The following ODR4 variants were observed in gnomAD, a reference collection of about 807,000 sequenced individuals.
ODR4 encodes odr-4 GPCR localization factor homolog.
ODR4 carries 47 observed loss-of-function variants against 60.2 expected under a neutral mutation model. The observed-to-expected ratio is 0.78, with a 90% CI of 0.62 to 1.00. The LOEUF is 1.00. Ranked by LOEUF, ODR4 falls within the 50% of genes least tolerant of loss-of-function variation. The pLI, the probability that ODR4 is intolerant of heterozygous loss-of-function variation, is 0.00. For synonymous variants in ODR4, 178 were observed against 175.5 expected (o/e 1.01, Z -0.11); for missense variants, 488 against 530.8 (o/e 0.92, Z 0.79).
rs1439653202 is a variant in ODR4 at position 186,421,337 on chromosome 1, CAA to C, written c.*2263_*2264del. ...TGAAGTGTTTATAAGAAATTGTAAA[CAA>C]ATGTAAAACTAAATAAACATTGTTA... On this transcript the variant is annotated 3_prime_UTR_variant, in exon 14 of 14. Coordinates refer to ENST00000287859, the MANE Select transcript of ODR4 (RefSeq NM_017847.6). The C allele has an allele frequency of 6.6e-6, 1 of 151,970 alleles. No homozygotes were observed. The highest frequency in any genetic ancestry group is 1.5e-5 in the Non-Finnish European group (1 of 67,982). The allele number at this position is 151,970 out of a possible 1,614,324, so 9.4% of individuals were successfully genotyped here.
In ODR4 at chr1:186,401,013, T is replaced by C. The variant is rs75980009; in HGVS notation, c.1000+1969T>C. The C allele has an allele frequency of 5.6e-3, 8,846 of 1,572,168 alleles. 32 individuals are homozygous for C. The highest frequency in any genetic ancestry group is 7.0e-3 in the Non-Finnish European group (8,034 of 1,152,474). On this transcript the variant is annotated intron_variant, in intron 11 of 13. Coordinates refer to ENST00000287859, the MANE Select transcript of ODR4 (RefSeq NM_017847.6). ...AGGTTCTGAGCAACAGTGTATATTA[T>C]AGCTGCATTGCAGGTTTCAGGATTT... is the stretch of plus-strand genomic sequence containing the variant.
At position 186,390,839 on chromosome 1, in the gene ODR4, G is replaced by T. The variant is rs201865055; in HGVS notation, c.603G>T (p.Glu201Asp). ...CTACTTCTGTCAGCTATACTCTGGA[G>T]AAAAATACAAAGGTACCAGGGTAAA... ...LSATSVSYTL[E>D]KNTKNGLTRW... The change falls in exon 7 of 14, where the codon GAG becomes GAT. Residue 201 changes from glutamate to aspartate, a missense_variant. Coordinates refer to ENST00000287859, the MANE Select transcript of ODR4 (RefSeq NM_017847.6). The T allele has an allele frequency of 2.2e-5, 36 of 1,612,008 alleles. No individual in the cohort carries two copies. Among genetic ancestry groups the T allele is most frequent in the South Asian group, 8.8e-5 (8 of 90,828 alleles).
rs1383169046 is a variant in ODR4, at chr1:186,390,825, A to G, written c.589A>G (p.Ser197Gly). The G allele has an allele frequency of 6.2e-7, 1 of 1,613,056 alleles. No individual in the cohort carries two copies. The highest frequency in any genetic ancestry group is 1.7e-5 in the Admixed American group (1 of 59,926). ...IHIPLSATSVSYTLEKNTKNG... is the reference protein window; with the variant it reads ...IHIPLSATSVGYTLEKNTKNG... Reference sequence around the variant, plus strand: ...CATCCCACTTTCTGCTACTTCTGTCAGCTATACTCTGGAGAAAAATACAAA... The same window carrying G: ...CATCCCACTTTCTGCTACTTCTGTCGGCTATACTCTGGAGAAAAATACAAA... The change falls in exon 7 of 14, where the codon AGC (serine) becomes GGC (glycine). Residue 197 changes from serine (S) to glycine (G), a missense_variant. By Grantham distance (56) the Ser-to-Gly change is moderately conservative. Transcript: ENST00000287859.
chr1:186,378,978 C>G (rs1188338524), intron 1 of ODR4, among the ~76,000 whole-genome samples: 2 of 152,276 alleles, frequency 1.3e-5, no homozygotes, highest in South Asian at 2.1e-4. Context: ...AGCATAGTTT[C>G]TAAGCAAATA....
chr1:186,391,587 T>A, intron 7 of ODR4, 109 bp from the exon 8 acceptor site: 1 of 733,472 alleles, frequency 1.4e-6, no homozygotes, highest in South Asian at 1.7e-5. Context: ...AGTAATGAGA[T>A]TTAGGGATTT....
intron 12 of ODR4, among the ~76,000 whole-genome samples, chr1:186,415,614 A>G (rs748331721): frequency 6.6e-5 from 10 of 152,188 alleles, no homozygotes; most frequent in Non-Finnish European, 2.9e-5. Context: ...TCCCAGCTTC[A>G]GCCTGGGTAG....
rs578167915 is a variant in ODR4, at chr1:186,404,381, A to G, written c.1001-1702A>G. ...TCTTTTTAATGAGTAATTTAAATTT[A>G]TTGGAACCAGTTATTTAACGTTTGA... is the stretch of plus-strand genomic sequence containing the variant. On this transcript the variant is annotated intron_variant, in intron 11 of 13. Coordinates refer to ENST00000287859, the MANE Select transcript of ODR4 (RefSeq NM_017847.6). 1.8e-4 allele frequency among the ~76,000 whole-genome samples: 28 copies of G among 152,318 alleles called. 1 individual carries two copies. The South Asian group carries it at 5.6e-3, about 30-fold the overall frequency.
intron 4 of ODR4, among the ~76,000 whole-genome samples, chr1:186,387,559 C>T (rs1660301578): frequency 6.6e-6 from 1 of 152,174 alleles, no homozygotes; most frequent in African/African-American, 2.4e-5. Flanking sequence ...CTAATTGTTT[C>T]CACTGGCTAC....
the ODR4 span, among the ~76,000 whole-genome samples, chr1:186,426,671 T>C: frequency 6.6e-6 from 1 of 152,160 alleles, no homozygotes; most frequent in African/African-American, 2.4e-5. Flanking sequence ...CCATATCTCA[T>C]TGGGGAAGTG....
chr1:186,375,987 A>ATGT lies in ODR4; in HGVS notation c.-20+13_-20+14insTGT, dbSNP rs879449576. ...ATTCTGAAAACAGGTAAGTCAGCCT[A>ATGT]AGTGTAGTGTGTGTGTGTGTGTGTG... On this transcript the variant is annotated intron_variant, in intron 1 of 13. Transcript: ENST00000287859. 4.5e-4 allele frequency: 73 copies of ATGT among 161,000 alleles called. No individual in the cohort carries two copies. Among genetic ancestry groups the ATGT allele is most frequent in the Non-Finnish European group, 8.0e-4 (60 of 75,140 alleles). The allele number at this position is 161,000 out of a possible 1,614,324, so 10.0% of individuals were successfully genotyped here.
At chr1:186,400,836 A>G in intron 11 of ODR4, 1 of 415,340 alleles carries the variant, frequency 2.4e-6, no homozygotes, top group South Asian at 3.1e-5. Flanking sequence ...TTTGAATCTT[A>G]CATGCAACAA....
intron 12 of ODR4, among the ~76,000 whole-genome samples, chr1:186,412,224 G>T (rs1231208820): frequency 6.6e-6 from 1 of 152,056 alleles, no homozygotes; most frequent in East Asian, 1.9e-4. Flanking sequence ...GCTGATCCCT[G>T]GTTTTATTAT....
At chr1:186,405,246 C>T (rs1165564367) in intron 11 of ODR4, among the ~76,000 whole-genome samples, 1 of 151,788 alleles carries the variant, frequency 6.6e-6, no homozygotes, top group Non-Finnish European at 1.5e-5. Flanking sequence ...CCTAAACATG[C>T]TTGATATATA....
chr1:186,416,018 T>A (rs570153022), intron 12 of ODR4, among the ~76,000 whole-genome samples: 4 of 152,298 alleles, frequency 2.6e-5, no homozygotes, highest in African/African-American at 9.6e-5. Context: ...TCAGCAAACT[T>A]TTTTTTGTAC....
At chr1:186,401,375 G>A in intron 11 of ODR4, 1 of 471,746 alleles carries the variant, frequency 2.1e-6, no homozygotes, top group Non-Finnish European at 3.9e-6. Context: ...TTGGTGGAAA[G>A]AGCAAAGACT....
At chr1:186,392,533 G>A (rs1299650663) in intron 8 of ODR4, among the ~76,000 whole-genome samples, 1 of 152,178 alleles carries the variant, frequency 6.6e-6, no homozygotes, top group Non-Finnish European at 1.5e-5. Context: ...AACGAATGCA[G>A]GGGCCAGGCA....
intron 6 of ODR4, 130 bp from the exon 7 acceptor site, chr1:186,390,580 AG>A: frequency 1.1e-6 from 1 of 891,384 alleles, no homozygotes; most frequent in Non-Finnish European, 1.7e-6. Context: ...CTTTTGATCA[AG>A]GGTTTAGCCA....
At chr1:186,389,958 T>C (rs954650597) in intron 6 of ODR4, among the ~76,000 whole-genome samples, 5 of 151,964 alleles carry the variant, frequency 3.3e-5, no homozygotes, top group African/African-American at 1.2e-4. Flanking sequence ...TGGCTAATTA[T>C]TTTTGTTTTT....
chr1:186,417,783 T>TA, intron 13 of ODR4, 129 bp downstream of exon 13: 1 of 603,116 alleles, frequency 1.7e-6, no homozygotes, highest in East Asian at 3.0e-5. Context: ...TATTGGGTAT[T>TA]ATGGAAAGTA....
Sources: allele counts gnomAD v4.1 joint callset (sites outside exome capture counted in the v4.1 genomes callset), GRCh38; gene constraint gnomAD v4.1.1; transcripts MANE v1.5; gene names NCBI Gene and HGNC (gene_info 2026-07-23, HGNC 2026-07-21).